Variants in TLR1 observed in about 807,000 individuals in gnomAD.
TLR1 encodes toll-like receptor 1.
Under a neutral mutation model 20.2 loss-of-function variants are expected in TLR1, and 19 were observed. That is an observed-to-expected ratio of 0.94 (90% CI 0.66 to 1.38). The LOEUF (loss-of-function observed/expected upper bound fraction) is 1.38. Among genes scored for constraint, TLR1 ranks in the 40% most tolerant of loss-of-function variants. The pLI, the probability that TLR1 is intolerant of heterozygous loss-of-function variation, is 0.00. For missense variants in TLR1, 921 were observed against 910.0 expected, an observed-to-expected ratio of 1.01 and a Z score of -0.16; for synonymous variants, 320 against 334.5, an observed-to-expected ratio of 0.96 and a Z score of 0.47.
rs1237825256 is a variant in TLR1 at position 38,797,150 on chromosome 4, C to T, written c.1682G>A (p.Ser561Asn). Residue 561 changes from serine (S) to asparagine (N), a missense_variant, in exon 4 of 4, where the codon AGT becomes AAT. Ser to Asn is a conservative substitution (Grantham distance 46). Transcript: ENST00000308979. The part of the protein sequence containing the change: ...PDSYKCDYPE[S>N]YRGTLLKDFH... ...GTCCTTTAGTAGGGTTCCTCTATAA[C>T]TTTCCGGGTAGTCACACTTATAAGA... 2 of 1,614,254 alleles carry T rather than the reference C, an allele frequency of 1.2e-6. No homozygotes were observed. Among genetic ancestry groups the T allele is most frequent in the Admixed American group, 1.7e-5 (1 of 60,028 alleles).
chr4:38,802,929 A>G (rs911441789), intron 2 of TLR1, among the ~76,000 whole-genome samples: 2 of 152,200 alleles, frequency 1.3e-5, no homozygotes, highest in African/African-American at 4.8e-5. Flanking sequence ...GACGCTGTAC[A>G]GGTGCATTGG....
downstream of TLR1, among the ~76,000 whole-genome samples, chr4:38,793,016 G>C (rs1560452232): frequency 6.6e-6 from 1 of 152,026 alleles, no homozygotes; most frequent in African/African-American, 2.4e-5. Context: ...TGTGAGACTA[G>C]ATAACTGGTT....
chr4:38,800,086 A>G (rs924162708), intron 3 of TLR1, among the ~76,000 whole-genome samples: 2 of 152,184 alleles, frequency 1.3e-5, no homozygotes, highest in Admixed American at 1.3e-4. Flanking sequence ...GGCCTTTTTG[A>G]GATGATGACA....
At chr4:38,801,807 A>C (rs542126562) in intron 2 of TLR1, among the ~76,000 whole-genome samples, 1 of 152,340 alleles carries the variant, frequency 6.6e-6, no homozygotes, top group Admixed American at 6.5e-5. Context: ...CCCAAGTGTT[A>C]GAGTAGGTAC....
rs532778382 is a variant in TLR1 at position 38,798,647 on chromosome 4, G to A, written c.185C>T (p.Thr62Ile). The A allele has an allele frequency of 1.9e-6, 3 of 1,613,854 alleles. No individual in the cohort carries two copies. The highest frequency in any genetic ancestry group is 3.3e-5 in the Admixed American group (2 of 59,990). ...TTTTGACAGTGATAAGATGTCAGAAGTCCAAAGCTCAGATATATAATTTTG... is the reference window on the plus strand; with the variant it reads ...TTTTGACAGTGATAAGATGTCAGAAATCCAAAGCTCAGATATATAATTTTG... ...ISQNYISELW[T>I]SDILSLSKLR... is the part of the protein sequence containing the mutation. The change falls in exon 4 of 4, where the codon ACT becomes ATT. Residue 62 changes from threonine to isoleucine, a missense_variant. Physicochemically the swap from Thr to Ile is moderately conservative, Grantham distance 89. Transcript: ENST00000308979.
In TLR1 at chr4:38,802,790, C is replaced by T. The variant is rs1322776432; in HGVS notation, c.-160+1516G>A. Among the ~76,000 whole-genome samples the T allele has an allele frequency of 3.9e-5, 6 of 152,296 alleles. No individual in the cohort carries two copies. In the East Asian group the frequency reaches 9.6e-4, roughly 24 times the overall value. On this transcript the variant is annotated intron_variant, in intron 2 of 3. Coordinates refer to ENST00000308979, the MANE Select transcript of TLR1 (RefSeq NM_003263.4). The stretch of plus-strand genomic sequence containing the variant: ...TGACTCAGCGAGTTTAGAGCGCAGG[C>T]GTATAACTCACTTTTTATCATAGCC...
At chr4:38,801,304 G>A (rs983197357) in intron 2 of TLR1, among the ~76,000 whole-genome samples, 3 of 152,162 alleles carry the variant, frequency 2.0e-5, no homozygotes, top group African/African-American at 7.2e-5. Flanking sequence ...GAAAATACAA[G>A]AAGGAGGCAT....
At chr4:38,787,674 C>CT (rs1237350928), downstream of TLR1, among the ~76,000 whole-genome samples, 2 of 152,010 alleles carry the variant, frequency 1.3e-5, no homozygotes, top group African/African-American at 2.4e-5. Flanking sequence ...ATTTGACATT[C>CT]TTTTTTTATA....
downstream of TLR1, among the ~76,000 whole-genome samples, chr4:38,794,102 T>G (rs1725878673): frequency 6.6e-6 from 1 of 152,188 alleles, no homozygotes; most frequent in Non-Finnish European, 1.5e-5. Context: ...TAAATTTCAG[T>G]TGTTTAGGCC....
In TLR1 at chr4:38,798,678, T is replaced by C. The variant is rs576464302; in HGVS notation, c.154A>G (p.Ile52Val). Residue 52 changes from isoleucine to valine, a missense_variant, in exon 4 of 4, where the codon ATA becomes GTA. By Grantham distance (29) the Ile-to-Val change is conservative. Transcript: ENST00000308979. ...AGCTCAGATATATAATTTTGCGATA[T>C]ATTTAAGATTGTTGTTTTCTGGGAT... is the stretch of plus-strand genomic sequence containing the variant. Reference protein sequence around the residue: ...DLSQKTTILNISQNYISELWT... With the variant: ...DLSQKTTILNVSQNYISELWT... 6.8e-6 allele frequency: 11 copies of C among 1,614,004 alleles called. No individual in the cohort carries two copies. Among genetic ancestry groups the C allele is most frequent in the Admixed American group, 3.3e-5 (2 of 60,018 alleles).
chr4:38,800,052 A>G (rs1429786891), intron 3 of TLR1, among the ~76,000 whole-genome samples: 1 of 152,162 alleles, frequency 6.6e-6, no homozygotes, highest in Non-Finnish European at 1.5e-5. Flanking sequence ...GGGGGTGGCT[A>G]TTTTTGAGTG....
At position 38,797,873 on chromosome 4, in the gene TLR1, T is replaced by C. The variant is rs1412782572; in HGVS notation, c.959A>G (p.Tyr320Cys). ...DVFGFPQSYI[Y>C]EIFSNMNIKN... ...GATGTTCATATTCGAAAAGATTTCA[T>C]AGATATAACTTTGCGGAAAACCGAA... The change falls in exon 4 of 4, where the codon TAT (tyrosine) becomes TGT (cysteine). Residue 320 changes from tyrosine to cysteine, a missense_variant. By Grantham distance (194) the Tyr-to-Cys change is radical. Coordinates refer to ENST00000308979, the MANE Select transcript of TLR1 (RefSeq NM_003263.4). 1.9e-6 allele frequency: 3 copies of C among 1,614,032 alleles called. No homozygotes were observed. Among genetic ancestry groups the C allele is most frequent in the East Asian group, 2.2e-5 (1 of 44,882 alleles).
In TLR1 at chr4:38,798,757, A is replaced by T; in HGVS notation, c.75T>A (p.Ser25Arg). The change falls in exon 4 of 4, where the codon AGT becomes AGA. Residue 25 changes from serine (S) to arginine (R), a missense_variant. Coordinates refer to ENST00000308979, the MANE Select transcript of TLR1 (RefSeq NM_003263.4). ...LQIRIQLSEE[S>R]EFLVDRSKNG... ...TTTTTGACCTATCAACTAAAAATTCACTTTCTTCAGATAATTGTATTCTGA... is the reference window on the plus strand; with the variant it reads ...TTTTTGACCTATCAACTAAAAATTCTCTTTCTTCAGATAATTGTATTCTGA... The T allele has an allele frequency of 6.2e-7, 1 of 1,612,456 alleles. No individual in the cohort carries two copies. The highest frequency in any genetic ancestry group is 8.5e-7 in the Non-Finnish European group (1 of 1,179,770).
downstream of TLR1, among the ~76,000 whole-genome samples, chr4:38,794,961 G>C (rs1276417780): frequency 6.6e-6 from 1 of 152,032 alleles, no homozygotes; most frequent in Non-Finnish European, 1.5e-5. Context: ...CGCTTGTTTG[G>C]AGCAGCGATC....
intron 2 of TLR1, among the ~76,000 whole-genome samples, chr4:38,801,272 T>C (rs1295191703): frequency 6.6e-6 from 1 of 152,174 alleles, no homozygotes; most frequent in Non-Finnish European, 1.5e-5. Context: ...CCAGAGAGCC[T>C]CAGGCTGTCA....
At chr4:38,802,564 G>A (rs539185483) in intron 2 of TLR1, among the ~76,000 whole-genome samples, 31 of 152,368 alleles carry the variant, frequency 2.0e-4, no homozygotes, top group Non-Finnish European at 3.8e-4. Flanking sequence ...GAGAAGAGAC[G>A]CAAGACTCCA....
chr4:38,790,004 C>T (rs1560450645), downstream of TLR1, among the ~76,000 whole-genome samples: 2 of 152,178 alleles, frequency 1.3e-5, no homozygotes, highest in Non-Finnish European at 2.9e-5. Flanking sequence ...TAATTTTCCT[C>T]ACATTCCCAA....
intron 2 of TLR1, among the ~76,000 whole-genome samples, chr4:38,802,173 G>T (rs1255349627): frequency 6.6e-6 from 1 of 152,068 alleles, no homozygotes; most frequent in Non-Finnish European, 1.5e-5. Context: ...CTCCAGCCTG[G>T]GCAACAGGGC....
In TLR1 at chr4:38,797,480, T is replaced by C. The variant is rs926156983; in HGVS notation, c.1352A>G (p.Asp451Gly). 6.2e-7 allele frequency: 1 copy of C among 1,614,186 alleles called. No homozygotes were observed. The highest frequency in any genetic ancestry group is 2.2e-5 in the East Asian group (1 of 44,886). The stretch of plus-strand genomic sequence containing the variant: ...GCTCTTTATTTTATTGCTGTGAAGA[T>C]CAAGTACCTTGATCCTGGGAGGTAA... ...RCLPPRIKVL[D>G]LHSNKIKSIP... Residue 451 changes from aspartate (D) to glycine (G), a missense_variant, in exon 4 of 4, where the codon GAT becomes GGT. Transcript: ENST00000308979.
Sources: allele counts gnomAD v4.1 joint callset (sites outside exome capture counted in the v4.1 genomes callset), GRCh38; gene constraint gnomAD v4.1.1; transcripts MANE v1.5; gene names NCBI Gene and HGNC (gene_info 2026-07-23, HGNC 2026-07-21).